PIK3R3: variants seen among roughly 807,000 people sequenced by gnomAD.
PIK3R3 encodes phosphatidylinositol 3-kinase regulatory subunit gamma.
A neutral mutation model predicts 62.9 loss-of-function variants in PIK3R3; 64 were observed. The ratio of observed to expected loss-of-function variants is 1.02; its 90% CI spans 0.83 to 1.25. The LOEUF is 1.25. Among genes scored for constraint, PIK3R3 ranks in the 50% most tolerant of loss-of-function variants. The pLI is 0.00. For synonymous variants in PIK3R3, 165 were observed against 189.0 expected (o/e 0.87, Z 1.04); for missense variants, 614 against 561.6 (o/e 1.09, Z -0.94).
At position 46,046,377 on chromosome 1, in the gene PIK3R3, T is replaced by C. The variant is rs540811965; in HGVS notation, c.1016+174A>G. Among the ~76,000 whole-genome samples the C allele has an allele frequency of 2.0e-5, 3 of 152,338 alleles. No homozygotes were observed. The South Asian group carries it at 6.2e-4, about 32-fold the overall frequency. On this transcript the variant is annotated intron_variant, in intron 8 of 9. Transcript: ENST00000262741. ...GATTTTGAGTTCAGAAGCAGGTCTCTGAACTCCAGTGCCTATAGGGTACCT... is the reference window on the plus strand; with the variant it reads ...GATTTTGAGTTCAGAAGCAGGTCTCCGAACTCCAGTGCCTATAGGGTACCT...
chr1:46,107,922 T>C (rs1010024677), intron 1 of PIK3R3, among the ~76,000 whole-genome samples: 1 of 152,244 alleles, frequency 6.6e-6, no homozygotes, highest in African/African-American at 2.4e-5. Context: ...AACTATTCCA[T>C]AAATTATAAT....
the PIK3R3 span, among the ~76,000 whole-genome samples, chr1:46,145,517 A>G: frequency 6.6e-6 from 1 of 152,222 alleles, no homozygotes; most frequent in African/African-American, 2.4e-5. Flanking sequence ...CAGAGATCAC[A>G]TGGTGAGAGA....
the PIK3R3 span, among the ~76,000 whole-genome samples, chr1:46,152,274 C>G: frequency 6.6e-6 from 1 of 152,196 alleles, no homozygotes; most frequent in African/African-American, 2.4e-5. Context: ...GCCATCACTT[C>G]TCCATATCGG....
intron 6 of PIK3R3, among the ~76,000 whole-genome samples, chr1:46,058,367 C>T (rs922024581): frequency 4.6e-5 from 7 of 152,202 alleles, no homozygotes; most frequent in African/African-American, 1.2e-4. Flanking sequence ...ACTGGGGCAC[C>T]GCCTAGTGGC....
At chr1:46,092,048 A>G (rs916811503) in intron 1 of PIK3R3, among the ~76,000 whole-genome samples, 12 of 152,168 alleles carry the variant, frequency 7.9e-5, no homozygotes, top group Non-Finnish European at 1.6e-4. Flanking sequence ...CGGGCCCACC[A>G]TATTTCCTCA....
At chr1:46,091,384 A>T (rs1571465647) in intron 1 of PIK3R3, among the ~76,000 whole-genome samples, 1 of 151,868 alleles carries the variant, frequency 6.6e-6, no homozygotes, top group African/African-American at 2.4e-5. Flanking sequence ...GAGGTGATCC[A>T]CCTGCCTCGG....
chr1:46,172,053 G>A, the PIK3R3 span, among the ~76,000 whole-genome samples: 3 of 152,100 alleles, frequency 2.0e-5, no homozygotes, highest in African/African-American at 4.8e-5. Context: ...TGGCTGGAGC[G>A]GGAAGCCCTC....
At chr1:46,090,882 G>A (rs576854491) in intron 1 of PIK3R3, among the ~76,000 whole-genome samples, 1 of 152,106 alleles carries the variant, frequency 6.6e-6, no homozygotes, top group African/African-American at 2.4e-5. Flanking sequence ...TTATACTTTG[G>A]AAATCAGCAA....
the PIK3R3 span, among the ~76,000 whole-genome samples, chr1:46,140,972 C>T: frequency 6.6e-6 from 1 of 152,020 alleles, no homozygotes; most frequent in Non-Finnish European, 1.5e-5. Context: ...ACAGTCCTCC[C>T]ACCTCAGCCT....
intron 1 of PIK3R3, among the ~76,000 whole-genome samples, chr1:46,110,008 C>A (rs1571524120): frequency 6.6e-6 from 1 of 152,176 alleles, no homozygotes; most frequent in African/African-American, 2.4e-5. Flanking sequence ...TACACCAATA[C>A]CTGCAGCTCA....
intron 1 of PIK3R3, among the ~76,000 whole-genome samples, chr1:46,109,649 A>G (rs1422447216): frequency 6.6e-6 from 1 of 151,850 alleles, no homozygotes; most frequent in African/African-American, 2.4e-5. Flanking sequence ...ACCCCCGGCT[A>G]GTTTTTTTGC....
At chr1:46,145,946 C>T in the PIK3R3 span, among the ~76,000 whole-genome samples, 12 of 151,992 alleles carry the variant, frequency 7.9e-5, no homozygotes, top group South Asian at 2.1e-3. Flanking sequence ...GTGAGATAAG[C>T]GGAATACTTA....
intron 5 of PIK3R3, among the ~76,000 whole-genome samples, 174 bp from the exon 6 acceptor site, chr1:46,062,245 C>T (rs1007825632): frequency 6.6e-6 from 1 of 152,096 alleles, no homozygotes; most frequent in Non-Finnish European, 1.5e-5. Context: ...TTTATTCAAC[C>T]CCTACTCTAT....
At chr1:46,065,864 T>C (rs1025548307) in intron 5 of PIK3R3, among the ~76,000 whole-genome samples, 190 bp downstream of exon 5, 4 of 152,244 alleles carry the variant, frequency 2.6e-5, no homozygotes, top group African/African-American at 9.6e-5. Flanking sequence ...GACCAGTTAA[T>C]ATTAACTGAT....
chr1:46,168,282 G>C, the PIK3R3 span, among the ~76,000 whole-genome samples: 2 of 152,080 alleles, frequency 1.3e-5, no homozygotes, highest in African/African-American at 4.8e-5. Context: ...CTCTCTTTTA[G>C]CCCTGACATT....
In PIK3R3 at chr1:46,062,499, C is replaced by T. The variant is rs141499156; in HGVS notation, c.622-428G>A. On this transcript the variant is annotated intron_variant, in intron 5 of 9. Coordinates refer to ENST00000262741, the MANE Select transcript of PIK3R3 (RefSeq NM_003629.4). Reference sequence around the variant, plus strand: ...CCGAGGCAGGAGAATTGCTTGAACCCGGAAGGCAGAGGTTGCAGTGAGCTG... The same window carrying T: ...CCGAGGCAGGAGAATTGCTTGAACCTGGAAGGCAGAGGTTGCAGTGAGCTG... 2.8e-3 allele frequency among the ~76,000 whole-genome samples: 430 copies of T among 152,274 alleles called. 2 individuals carry two copies. The highest frequency in any genetic ancestry group is 9.5e-3 in the African/African-American group (396 of 41,562).
At chr1:46,096,833 T>A (rs1652176585) in intron 1 of PIK3R3, among the ~76,000 whole-genome samples, 1 of 145,592 alleles carries the variant, frequency 6.9e-6, no homozygotes. Context: ...AGAGCGAGAC[T>A]CTGTCTTAAA....
chr1:46,139,308 T>C, the PIK3R3 span, among the ~76,000 whole-genome samples: 1 of 152,020 alleles, frequency 6.6e-6, no homozygotes, highest in African/African-American at 2.4e-5. Context: ...TGCTTCTTTT[T>C]TTTTTTTTCT....
chr1:46,049,260 A>T (rs554012359), intron 7 of PIK3R3, among the ~76,000 whole-genome samples: 2 of 152,264 alleles, frequency 1.3e-5, no homozygotes, highest in South Asian at 4.1e-4. Context: ...GTAAGGGAAA[A>T]AATATGTATT....
Sources: allele counts gnomAD v4.1 joint callset (sites outside exome capture counted in the v4.1 genomes callset), GRCh38; gene constraint gnomAD v4.1.1; transcripts MANE v1.5; gene names NCBI Gene and HGNC (gene_info 2026-07-23, HGNC 2026-07-21).